The following SPHKAP variants were observed in gnomAD, a reference collection of about 807,000 sequenced individuals.
SPHKAP encodes the protein SPHK1 interactor, AKAP domain containing, also known as A-kinase anchor protein SPHKAP.
In SPHKAP, 67 loss-of-function variants were observed where a neutral mutation model predicts 137.5. That is an observed-to-expected ratio of 0.49 (90% CI 0.40 to 0.60). The LOEUF is 0.60. Among genes scored for constraint, SPHKAP ranks in the 20% least tolerant of loss-of-function variants. The pLI is 0.00. For synonymous variants in SPHKAP, 813 were observed against 785.3 expected (o/e 1.04, Z -0.59); for missense variants, 2,097 against 2,069.3 (o/e 1.01, Z -0.26).
intron 1 of SPHKAP, among the ~76,000 whole-genome samples, chr2:228,177,270 C>T (rs1038371067): frequency 2.0e-5 from 3 of 151,508 alleles, no homozygotes; most frequent in South Asian, 2.1e-4. Flanking sequence ...CCAGCAACAA[C>T]GTGGACTCTC....
chr2:228,017,485 C>T lies in SPHKAP; in HGVS notation c.3369G>A (p.Glu1123=). Residue 1123 remains glutamate (E), a synonymous_variant, in exon 7 of 12, where the codon GAG becomes GAA. Coordinates refer to ENST00000392056, the MANE Select transcript of SPHKAP (RefSeq NM_001142644.2). ...ASSVSKQSSC[E]SITDEFSRFM... ...ACCTGGAAAACTCATCGGTGATGCT[C>T]TCACAGCTCGACTGCTTGGAGACAG... 1 of 1,613,684 alleles carries T rather than the reference C, an allele frequency of 6.2e-7. No homozygotes were observed. The highest frequency in any genetic ancestry group is 1.1e-5 in the South Asian group (1 of 91,022).
chr2:228,130,583 T>C (rs1699217862), intron 2 of SPHKAP, among the ~76,000 whole-genome samples: 1 of 152,202 alleles, frequency 6.6e-6, no homozygotes, highest in Non-Finnish European at 1.5e-5. Flanking sequence ...TACAACCTTG[T>C]ATCAATAAAC....
chr2:228,042,047 GGA>G lies in SPHKAP; in HGVS notation c.247-14506_247-14505del, dbSNP rs543350447. ...AAGTGGAAATTAAAGGGCCCAAGTA[GGA>G]GAGAGCAGAAGAAAAAGAAACAAAC... On this transcript the variant is annotated intron_variant, in intron 3 of 11. Coordinates refer to ENST00000392056, the MANE Select transcript of SPHKAP (RefSeq NM_001142644.2). Among the ~76,000 whole-genome samples the G allele has an allele frequency of 2.5e-3, 383 of 152,114 alleles. 1 individual carries two copies. The highest frequency in any genetic ancestry group is 8.7e-3 in the African/African-American group (362 of 41,502).
At chr2:228,015,878 T>A (rs964774741) in intron 7 of SPHKAP, among the ~76,000 whole-genome samples, 1 of 152,150 alleles carries the variant, frequency 6.6e-6, no homozygotes, top group Non-Finnish European at 1.5e-5. Context: ...TGCCAAAATA[T>A]TTAATGTCAA....
At chr2:228,065,116 T>C (rs1405980104) in intron 3 of SPHKAP, among the ~76,000 whole-genome samples, 1 of 152,200 alleles carries the variant, frequency 6.6e-6, no homozygotes, top group Non-Finnish European at 1.5e-5. Flanking sequence ...GTGTGGCATA[T>C]ACCTGGGAAC....
At chr2:228,177,922 A>G (rs563291504) in intron 1 of SPHKAP, among the ~76,000 whole-genome samples, 229 of 152,342 alleles carry the variant, frequency 1.5e-3, no homozygotes, top group African/African-American at 5.0e-3. Context: ...CCAGTAAACC[A>G]AGCAAAAAGA....
chr2:228,000,993 G>A (rs1181889883), intron 7 of SPHKAP, among the ~76,000 whole-genome samples: 1 of 152,068 alleles, frequency 6.6e-6, no homozygotes, highest in African/African-American at 2.4e-5. Context: ...GCTCCATTCT[G>A]TATTCCAATC....
At chr2:227,998,284 C>T (rs530050185) in intron 7 of SPHKAP, among the ~76,000 whole-genome samples, 1 of 152,276 alleles carries the variant, frequency 6.6e-6, no homozygotes, top group Admixed American at 6.5e-5. Context: ...AGGCATGAGC[C>T]ACTGCGCCCG....
intron 8 of SPHKAP, 131 bp downstream of exon 8, chr2:227,995,378 G>C (rs1294463655): frequency 3.7e-6 from 4 of 1,075,002 alleles, no homozygotes; most frequent in Non-Finnish European, 4.1e-6. Flanking sequence ...CCTCGACATA[G>C]TGGGAACTTT....
intron 3 of SPHKAP, among the ~76,000 whole-genome samples, chr2:228,047,219 A>ACTT (rs993348016): frequency 5.3e-5 from 8 of 152,304 alleles, no homozygotes; most frequent in African/African-American, 1.7e-4. Flanking sequence ...TAATTTCAGC[A>ACTT]CTTTGGGAGG....
At chr2:228,164,958 T>C (rs866956949) in intron 1 of SPHKAP, among the ~76,000 whole-genome samples, 5 of 152,154 alleles carry the variant, frequency 3.3e-5, no homozygotes, top group African/African-American at 4.8e-5. Flanking sequence ...TTTCTCTCCA[T>C]TGGTACCATG....
At chr2:228,041,131 G>C (rs1695824384) in intron 3 of SPHKAP, among the ~76,000 whole-genome samples, 1 of 152,072 alleles carries the variant, frequency 6.6e-6, no homozygotes, top group African/African-American at 2.4e-5. Flanking sequence ...TTTAGGAATA[G>C]CTTTCTTGTG....
chr2:228,024,276 C>G (rs949554850), intron 5 of SPHKAP, among the ~76,000 whole-genome samples: 1 of 151,386 alleles, frequency 6.6e-6, no homozygotes, highest in African/African-American at 2.4e-5. Flanking sequence ...TGAAAGAAAG[C>G]TGGAATTTCT....
intron 1 of SPHKAP, among the ~76,000 whole-genome samples, chr2:228,136,822 G>C (rs972435850): frequency 6.6e-6 from 1 of 152,180 alleles, no homozygotes; most frequent in Non-Finnish European, 1.5e-5. Context: ...CAGAGTAAAA[G>C]AGATGGGGCA....
At chr2:228,023,589 A>G (rs1694920147) in intron 5 of SPHKAP, among the ~76,000 whole-genome samples, 1 of 152,230 alleles carries the variant, frequency 6.6e-6, no homozygotes, top group East Asian at 1.9e-4. Context: ...TAGACACACT[A>G]CACTAAGCTG....
intron 1 of SPHKAP, among the ~76,000 whole-genome samples, chr2:228,176,335 G>A (rs1700740583): frequency 6.6e-6 from 1 of 152,184 alleles, no homozygotes; most frequent in Non-Finnish European, 1.5e-5. Flanking sequence ...CCTCTTTCAA[G>A]AGAGTAAGAC....
At chr2:228,156,079 A>G (rs564453651) in intron 1 of SPHKAP, among the ~76,000 whole-genome samples, 2 of 152,326 alleles carry the variant, frequency 1.3e-5, no homozygotes, top group South Asian at 4.1e-4. Context: ...CCACTAAGAG[A>G]AAAAGACTCT....
At chr2:227,986,953 A>G (rs1023734676) in intron 11 of SPHKAP, among the ~76,000 whole-genome samples, 1 of 152,222 alleles carries the variant, frequency 6.6e-6, no homozygotes, top group Non-Finnish European at 1.5e-5. Context: ...TGGATTAATT[A>G]CATTCAAGTT....
chr2:228,050,489 G>A (rs1370989209), intron 3 of SPHKAP, among the ~76,000 whole-genome samples: 1 of 152,058 alleles, frequency 6.6e-6, no homozygotes, highest in East Asian at 1.9e-4. Flanking sequence ...GCTCATCAAT[G>A]GTGGATTTGT....
Sources: allele counts gnomAD v4.1 joint callset (sites outside exome capture counted in the v4.1 genomes callset), GRCh38; gene constraint gnomAD v4.1.1; transcripts MANE v1.5; gene names NCBI Gene and HGNC (gene_info 2026-07-23, HGNC 2026-07-21).